Variants in NOL8 observed in about 807,000 individuals in gnomAD.
NOL8 encodes nucleolar protein 8, also known as nucleolar protein Nop132.
NOL8 carries 93 observed loss-of-function variants against 116.1 expected under a neutral mutation model. The observed-to-expected ratio is 0.80, with a 90% confidence interval of 0.68 to 0.95. The LOEUF is 0.95. NOL8 is among the 40% of genes least tolerant of loss of function. NOL8 has a pLI of 0.00. For missense variants in NOL8, 1,291 were observed against 1,382.8 expected, an observed-to-expected ratio of 0.93 and a Z score of 1.05; for synonymous variants, 419 against 469.0, an observed-to-expected ratio of 0.89 and a Z score of 1.38.
chr9:92,302,499 C>T (rs1564205384), intron 12 of NOL8, among the ~76,000 whole-genome samples: 1 of 152,144 alleles, frequency 6.6e-6, no homozygotes, highest in African/African-American at 2.4e-5. Flanking sequence ...AATAACCATT[C>T]TTAGTGGTAG....
Position 92,315,065 on chromosome 9 carries a change from G to C in NOL8, c.1560C>G (p.Asp520Glu). 2 of 1,614,046 alleles carry C rather than the reference G, an allele frequency of 1.2e-6. No individual in the cohort carries two copies. The highest frequency in any genetic ancestry group is 1.7e-6 in the Non-Finnish European group (2 of 1,179,902). ...GAGTCTTGGGGCTCTTGGAGCCTCT[G>C]TCAAACTTGCATTGGGTGGTGGTTT... is the stretch of plus-strand genomic sequence containing the variant. ...GPETTTQCKF[D>E]RGSKSPKTPT... is the part of the protein sequence containing the mutation. Residue 520 changes from aspartate (D) to glutamate (E), a missense_variant, in exon 7 of 17, where the codon GAC becomes GAG. Coordinates refer to ENST00000442668, the MANE Select transcript of NOL8 (RefSeq NM_017948.6).
At position 92,318,642 on chromosome 9, in the gene NOL8, G is replaced by A. The variant is rs1337616763; in HGVS notation, c.462C>T (p.His154=). 1.9e-6 allele frequency: 3 copies of A among 1,602,102 alleles called. No homozygotes were observed. Among genetic ancestry groups the A allele is most frequent in the East Asian group, 2.2e-5 (1 of 44,554 alleles). The change falls in exon 6 of 17, where the codon CAC becomes CAT. Residue 154 remains histidine, a synonymous_variant. Coordinates refer to ENST00000442668, the MANE Select transcript of NOL8 (RefSeq NM_017948.6). ...SKFGRVLPVL[H]LKNQHKRKII... ...TTTTACGTTTATGTTGATTTTTAAG[G>A]TGAAGAACAGGTAAGACTCTTCCAA...
chr9:92,309,656 G>A (rs181748593), intron 10 of NOL8, among the ~76,000 whole-genome samples: 21 of 152,268 alleles, frequency 1.4e-4, no homozygotes, highest in African/African-American at 3.4e-4. Context: ...AAATGCTATA[G>A]TAAGTGAAAA....
In NOL8 at chr9:92,315,253, C is replaced by T. The variant is rs1473296569; in HGVS notation, c.1372G>A (p.Asp458Asn). The change falls in exon 7 of 17, where the codon GAT becomes AAT. Residue 458 changes from aspartate to asparagine, a missense_variant. By Grantham distance (23) the Asp-to-Asn change is conservative (BLOSUM62 1). Coordinates refer to ENST00000442668, the MANE Select transcript of NOL8 (RefSeq NM_017948.6). ...GCTAATTCTGATGCAGAATCAGCATCTTCACTGCTACTGGAGTGAGAGGGA... is the reference window on the plus strand; with the variant it reads ...GCTAATTCTGATGCAGAATCAGCATTTTCACTGCTACTGGAGTGAGAGGGA... ...KSPSHSSSSEDADSASELADS... is the reference protein window; with the variant it reads ...KSPSHSSSSENADSASELADS... The T allele has an allele frequency of 6.2e-7, 1 of 1,613,970 alleles. No individual in the cohort carries two copies. Among genetic ancestry groups the T allele is most frequent in the Non-Finnish European group, 8.5e-7 (1 of 1,179,850 alleles).
chr9:92,311,233 C>T lies in NOL8; in HGVS notation c.2385G>A (p.Thr795=), dbSNP rs1182533145. ...NLDGHPEDKP[T]HIIFGSDSEC... ...CACTGTCAGAACCGAAGATGATGTGCGTTGGCTTATCCTCTGGATGACCAT... is the reference window on the plus strand; with the variant it reads ...CACTGTCAGAACCGAAGATGATGTGTGTTGGCTTATCCTCTGGATGACCAT... Residue 795 remains threonine, a synonymous_variant, in exon 8 of 17, where the codon ACG becomes ACA. Transcript: ENST00000442668. 9.3e-6 allele frequency: 15 copies of T among 1,613,664 alleles called. No homozygotes were observed. The highest frequency in any genetic ancestry group is 5.3e-5 in the African/African-American group (4 of 74,890).
chr9:92,318,620 T>A lies in NOL8; in HGVS notation c.484A>T (p.Lys162Ter). The change falls in exon 6 of 17, where the codon AAA becomes TAA. Residue 162 changes from lysine (K) to a stop codon, truncating the protein, a stop_gained and splice_region_variant. Transcript: ENST00000442668. LOFTEE classifies it high-confidence loss of function. ...VLHLKNQHKR[K>*]IIKYDPSKYC... ...TATGTTGAGAGGCCAAAGGATATTTTACGTTTATGTTGATTTTTAAGGTGA... is the reference window on the plus strand; with the variant it reads ...TATGTTGAGAGGCCAAAGGATATTTAACGTTTATGTTGATTTTTAAGGTGA... 1 of 1,598,618 alleles carries A rather than the reference T, an allele frequency of 6.3e-7. No individual in the cohort carries two copies. The highest frequency in any genetic ancestry group is 1.1e-5 in the South Asian group (1 of 87,742).
chr9:92,324,166 G>A lies in NOL8; in HGVS notation c.-5C>T. On this transcript the variant is annotated 5_prime_UTR_variant, in exon 2 of 17. Coordinates refer to ENST00000442668, the MANE Select transcript of NOL8 (RefSeq NM_017948.6). ...CGTTTCTCTGTTCACTTTCATGAAG[G>A]CTGGGCATATACTTGGGTGTGTTTC... The A allele has an allele frequency of 6.2e-7, 1 of 1,612,958 alleles. No homozygotes were observed. The highest frequency in any genetic ancestry group is 1.1e-5 in the South Asian group (1 of 90,998).
At chr9:92,317,105 A>C (rs1000206376) in intron 6 of NOL8, among the ~76,000 whole-genome samples, 2 of 152,072 alleles carry the variant, frequency 1.3e-5, no homozygotes, top group Non-Finnish European at 2.9e-5. Context: ...GGCATGTGCC[A>C]CCGGGCCCAG....
Position 92,318,638 on chromosome 9 carries a change from T to C in NOL8, c.466A>G (p.Lys156Glu). ...GATATTTTACGTTTATGTTGATTTTTAAGGTGAAGAACAGGTAAGACTCTT... is the reference window on the plus strand; with the variant it reads ...GATATTTTACGTTTATGTTGATTTTCAAGGTGAAGAACAGGTAAGACTCTT... ...FGRVLPVLHL[K>E]NQHKRKIIKY... Residue 156 changes from lysine (K) to glutamate (E), a missense_variant, in exon 6 of 17, where the codon AAA (lysine) becomes GAA (glutamate). By Grantham distance (56) the Lys-to-Glu change is moderately conservative. Transcript: ENST00000442668. 6.2e-7 allele frequency: 1 copy of C among 1,602,838 alleles called. No homozygotes were observed. The highest frequency in any genetic ancestry group is 8.5e-7 in the Non-Finnish European group (1 of 1,176,624).
At chr9:92,300,830 A>T in intron 13 of NOL8, 1 of 1,066,222 alleles carries the variant, frequency 9.4e-7, no homozygotes, top group Non-Finnish European at 1.2e-6. Context: ...AAAAAAAAAA[A>T]TTATTTTAAT....
intron 3 of NOL8, chr9:92,322,878 C>T (rs1446406152): frequency 6.5e-6 from 1 of 152,978 alleles, no homozygotes; most frequent in Non-Finnish European, 1.5e-5. Flanking sequence ...TTAGCGTGTT[C>T]CCTTTACTTA....
intron 4 of NOL8, chr9:92,319,994 C>A: frequency 2.2e-6 from 1 of 446,104 alleles, no homozygotes; most frequent in Admixed American, 2.4e-5. Flanking sequence ...AAGACCAAGA[C>A]CATGGATCGC....
At chr9:92,313,904 T>C (rs890588340) in intron 7 of NOL8, among the ~76,000 whole-genome samples, 1 of 152,212 alleles carries the variant, frequency 6.6e-6, no homozygotes, top group South Asian at 2.1e-4. Context: ...ACCATCCTCA[T>C]ACTATAAATC....
chr9:92,298,020 A>T (rs1837388459), intron 16 of NOL8, 134 bp from the exon 17 acceptor site: 1 of 798,690 alleles, frequency 1.3e-6, no homozygotes, highest in Non-Finnish European at 2.0e-6. Context: ...TGAAATGAAG[A>T]GGGGATATTG....
Position 92,315,189 on chromosome 9 carries a change from T to G in NOL8, c.1436A>C (p.Lys479Thr). The change falls in exon 7 of 17, where the codon AAA (lysine) becomes ACA (threonine). Residue 479 changes from lysine to threonine, a missense_variant. Physicochemically the swap from Lys to Thr is moderately conservative, Grantham distance 78. Transcript: ENST00000442668. ...EGGEEYNAMM[K>T]NCLRVNLTLA... is the part of the protein sequence containing the mutation. ...AGTGAGATTCACACGAAGGCAGTTT[T>G]TCATCATGGCATTATACTCCTCACC... The G allele has an allele frequency of 6.2e-7, 1 of 1,614,024 alleles. No individual in the cohort carries two copies. Among genetic ancestry groups the G allele is most frequent in the Non-Finnish European group, 8.5e-7 (1 of 1,179,894 alleles).
chr9:92,318,975 T>G, intron 5 of NOL8: 1 of 516,250 alleles, frequency 1.9e-6, no homozygotes, highest in Non-Finnish European at 3.3e-6. Context: ...TATTCCTTGC[T>G]ACCTATGTCC....
At position 92,318,653 on chromosome 9, in the gene NOL8, G is replaced by C. The variant is rs937358285; in HGVS notation, c.451C>G (p.Pro151Ala). ...WVVSKFGRVL[P>A]VLHLKNQHKR... ...TGTTGATTTTTAAGGTGAAGAACAG[G>C]TAAGACTCTTCCAAATTTGCTCACA... Residue 151 changes from proline to alanine, a missense_variant, in exon 6 of 17, where the codon CCT (proline) becomes GCT (alanine). Transcript: ENST00000442668. 5 of 1,601,370 alleles carry C rather than the reference G, an allele frequency of 3.1e-6. No individual in the cohort carries two copies. In the East Asian group the frequency reaches 6.7e-5, roughly 22 times the overall value.
intron 4 of NOL8, among the ~76,000 whole-genome samples, chr9:92,320,693 G>A (rs971005737): frequency 1.9e-4 from 28 of 151,006 alleles, no homozygotes; most frequent in Non-Finnish European, 8.8e-5. Context: ...TGCAACCTCC[G>A]CCTCCCAGGT....
chr9:92,299,655 G>C (rs1837549088), intron 14 of NOL8, among the ~76,000 whole-genome samples: 1 of 151,964 alleles, frequency 6.6e-6, no homozygotes, highest in African/African-American at 2.4e-5. Context: ...GGGAGGCTGG[G>C]ACAGGAGAAT....
Sources: gnomAD v4.1 joint callset for allele counts (sites outside exome capture counted in the v4.1 genomes callset) on GRCh38, gnomAD v4.1.1 for gene constraint, MANE v1.5 for transcripts, NCBI Gene and HGNC (gene_info 2026-07-23, HGNC 2026-07-21) for gene names.